CDH18: variants seen among roughly 807,000 people sequenced by gnomAD.
CDH18 encodes cadherin 18.
In CDH18, 31 loss-of-function variants were observed where a neutral mutation model predicts 67.9. The observed-to-expected ratio is 0.46, with a 90% CI of 0.34 to 0.62. CDH18 has a LOEUF of 0.62. CDH18 is among the 20% of genes least tolerant of loss of function. The pLI, the probability that CDH18 is intolerant of heterozygous loss-of-function variation, is 0.01. For missense variants in CDH18, 890 were observed against 975.5 expected (o/e 0.91, Z 1.17); for synonymous variants, 362 against 347.2 (o/e 1.04, Z -0.48).
At chr5:20,468,160 G>A (rs368393899) in intron 1 of CDH18, among the ~76,000 whole-genome samples, 1 of 151,908 alleles carries the variant, frequency 6.6e-6, no homozygotes, top group Non-Finnish European at 1.5e-5. Context: ...GATTACAGGT[G>A]CCCACTAAGA....
At chr5:20,501,446 ATATT>A in intron 1 of CDH18, among the ~76,000 whole-genome samples, 1 of 110,442 alleles carries the variant, frequency 9.1e-6, no homozygotes, top group Non-Finnish European at 1.9e-5. Flanking sequence ...TTATATACAT[ATATT>A]TTATATACAT....
Position 20,073,071 on chromosome 5 carries a change from A to G in CDH18, c.-517-81057T>C, listed in dbSNP as rs539631095. Reference sequence around the variant, plus strand: ...AGACTATTAGAAAACATGTACATAAAAAAAACTTTAGAATCAGTAGTTGTC... The same window carrying G: ...AGACTATTAGAAAACATGTACATAAGAAAAACTTTAGAATCAGTAGTTGTC... On this transcript the variant is annotated intron_variant, in intron 2 of 14. Transcript: ENST00000507958. Among the ~76,000 whole-genome samples the G allele has an allele frequency of 6.8e-4, 104 of 152,106 alleles. 1 individual carries two copies. The highest frequency in any genetic ancestry group is 1.4e-3 in the Non-Finnish European group (93 of 67,880).
chr5:19,515,735 T>C (rs1745876441), intron 10 of CDH18, among the ~76,000 whole-genome samples: 2 of 152,180 alleles, frequency 1.3e-5, no homozygotes, highest in African/African-American at 2.4e-5. Context: ...TCTTATCAGC[T>C]TAAGAAGATT....
chr5:19,669,014 C>T (rs1423165515), intron 5 of CDH18, among the ~76,000 whole-genome samples: 1 of 150,514 alleles, frequency 6.6e-6, no homozygotes, highest in Admixed American at 6.7e-5. Context: ...AACTTCAACA[C>T]ACACTCTGTG....
At chr5:19,882,028 AC>A (rs1315280962) in intron 2 of CDH18, among the ~76,000 whole-genome samples, 1 of 152,178 alleles carries the variant, frequency 6.6e-6, no homozygotes, top group Non-Finnish European at 1.5e-5. Flanking sequence ...GATGTCACAT[AC>A]AAATGTGACT....
intron 2 of CDH18, among the ~76,000 whole-genome samples, chr5:20,029,172 T>C (rs569110142): frequency 6.6e-6 from 1 of 152,140 alleles, no homozygotes; most frequent in Non-Finnish European, 1.5e-5. Context: ...CAATTGTTCC[T>C]AATAGAGTAG....
At chr5:19,943,012 T>C (rs1794970321) in intron 2 of CDH18, among the ~76,000 whole-genome samples, 1 of 152,168 alleles carries the variant, frequency 6.6e-6, no homozygotes, top group African/African-American at 2.4e-5. Flanking sequence ...GACAGCATGA[T>C]GCCTCTTTGA....
intron 2 of CDH18, among the ~76,000 whole-genome samples, chr5:20,169,449 T>A (rs566234515): frequency 2.0e-5 from 3 of 152,242 alleles, no homozygotes; most frequent in African/African-American, 7.2e-5. Context: ...ACATAAACAT[T>A]TTTCAATAAA....
chr5:20,207,032 C>T (rs886704399), intron 2 of CDH18, among the ~76,000 whole-genome samples: 4 of 151,704 alleles, frequency 2.6e-5, no homozygotes, highest in African/African-American at 9.7e-5. Flanking sequence ...TGAAGGGCAT[C>T]TATTGAACAT....
rs190708991 is a variant in CDH18, at chr5:20,534,878, G to C, written c.-580+40584C>G. Among the ~76,000 whole-genome samples the C allele has an allele frequency of 1.6e-4, 24 of 151,216 alleles. No homozygotes were observed. In the East Asian group the frequency reaches 4.1e-3, roughly 26 times the overall value. ...TTATTTAGAGTCAGGGTCTTGCTCT[G>C]TTGCCCAGACCAGAGTGCAGCAGCA... On this transcript the variant is annotated intron_variant, in intron 1 of 14. Coordinates refer to the CDH18 transcript ENST00000507958.
At chr5:20,564,308 C>T (rs1026511794) in intron 1 of CDH18, among the ~76,000 whole-genome samples, 8 of 71,114 alleles carry the variant, frequency 1.1e-4, no homozygotes, top group East Asian at 8.3e-4. Flanking sequence ...GATGGAGTTT[C>T]GCTCTGTCAC....
chr5:20,413,986 T>C (rs1475128477), intron 1 of CDH18, among the ~76,000 whole-genome samples: 2 of 152,298 alleles, frequency 1.3e-5, no homozygotes, highest in East Asian at 1.9e-4. Flanking sequence ...AATTAATTTT[T>C]ATATAAGGTG....
chr5:19,857,273 C>G (rs959996270), intron 2 of CDH18, among the ~76,000 whole-genome samples: 2 of 150,846 alleles, frequency 1.3e-5, no homozygotes, highest in African/African-American at 2.4e-5. Context: ...AAAGTTGAAG[C>G]AATGATTTCT....
intron 2 of CDH18, among the ~76,000 whole-genome samples, chr5:19,908,049 T>C (rs1790716516): frequency 6.9e-6 from 1 of 145,232 alleles, no homozygotes; most frequent in Non-Finnish European, 1.5e-5. Flanking sequence ...CTAGCAACAT[T>C]AAAAGGCTAG....
At chr5:19,786,843 T>TG (rs1004776815) in intron 3 of CDH18, among the ~76,000 whole-genome samples, 4 of 151,612 alleles carry the variant, frequency 2.6e-5, no homozygotes, top group Non-Finnish European at 4.4e-5. Flanking sequence ...TAGGCATGGC[T>TG]GGGGGGGTGT....
chr5:20,398,713 C>CTA (rs1745490313), intron 1 of CDH18, among the ~76,000 whole-genome samples: 1 of 151,914 alleles, frequency 6.6e-6, no homozygotes, highest in African/African-American at 2.4e-5. Flanking sequence ...ACACGTATAA[C>CTA]CATGTAAAAA....
At chr5:19,834,169 T>C (rs746506534) in intron 3 of CDH18, among the ~76,000 whole-genome samples, 1 of 147,360 alleles carries the variant, frequency 6.8e-6, no homozygotes, top group Non-Finnish European at 1.5e-5. Context: ...TTTTTTTTTA[T>C]TGGTAGGCTA....
intron 2 of CDH18, among the ~76,000 whole-genome samples, chr5:19,916,419 C>G (rs1791801286): frequency 6.6e-6 from 1 of 152,156 alleles, no homozygotes; most frequent in Non-Finnish European, 1.5e-5. Flanking sequence ...AGTGAGACAT[C>G]ACTTGACCTT....
At chr5:19,516,904 C>T (rs1464007846) in intron 10 of CDH18, among the ~76,000 whole-genome samples, 2 of 151,858 alleles carry the variant, frequency 1.3e-5, no homozygotes, top group African/African-American at 2.4e-5. Flanking sequence ...TTTGTTGGTT[C>T]CAGTCTGGGT....
Sources: gnomAD v4.1 joint callset for allele counts (sites outside exome capture counted in the v4.1 genomes callset) on GRCh38, gnomAD v4.1.1 for gene constraint, MANE v1.5 for transcripts, NCBI Gene and HGNC (gene_info 2026-07-23, HGNC 2026-07-21) for gene names.